CHIC1: variants seen among roughly 807,000 people sequenced by gnomAD.
CHIC1 encodes cysteine rich hydrophobic domain 1, also known as cysteine-rich hydrophobic domain-containing protein 1.
Under a neutral mutation model 18.5 loss-of-function variants are expected in CHIC1, and 7 were observed. The ratio of observed to expected loss-of-function variants is 0.38; its 90% CI spans 0.22 to 0.71. The LOEUF (loss-of-function observed/expected upper bound fraction) is 0.71. Ranked by LOEUF, CHIC1 falls within the 30% of genes least tolerant of loss-of-function variation. The pLI, the probability that CHIC1 is intolerant of heterozygous loss-of-function variation, is 0.49. For missense variants in CHIC1, 159 were observed against 176.9 expected (o/e 0.90, Z 0.57); for synonymous variants, 77 against 73.5 (o/e 1.05, Z -0.25).
At chrX:73,613,422 G>T (rs1252538318) in intron 3 of CHIC1, among the ~76,000 whole-genome samples, 1 of 110,205 alleles carries the variant, frequency 9.1e-6, no homozygotes, top group Non-Finnish European at 1.9e-5. Context: ...AAAGATCCTG[G>T]TACCTCCCTT....
rs1306265236 is a variant in CHIC1, at chrX:73,686,381, G to A, written c.*5376G>A. 1 of 110,940 alleles carries A rather than the reference G, an allele frequency of 9.0e-6. No individual in the cohort carries two copies. The highest frequency in any genetic ancestry group is 1.9e-5 in the Non-Finnish European group (1 of 52,782). The allele number at this position is 110,940 out of a possible 1,213,427, so 9.1% of individuals were successfully genotyped here. A position where few individuals can be genotyped will look rare whatever the true frequency, so the allele number is the denominator to read the frequency against. On this transcript the variant is annotated 3_prime_UTR_variant, in exon 6 of 6. Coordinates refer to ENST00000373502, the MANE Select transcript of CHIC1 (RefSeq NM_001039840.4). The stretch of plus-strand genomic sequence containing the variant: ...AATATCACTGGCCTAATTTATTTAG[G>A]TGTGTACATGTTGCTCATACATACA...
At position 73,590,580 on chromosome X, in the gene CHIC1, G is replaced by A. The variant is rs760232714; in HGVS notation, c.507+6008G>A. Reference sequence around the variant, plus strand: ...CATCATCATAGTATCGTACAGAATAGCAGTTTCACTGCCCTAAAACTCCAT... The same window carrying A: ...CATCATCATAGTATCGTACAGAATAACAGTTTCACTGCCCTAAAACTCCAT... On this transcript the variant is annotated intron_variant, in intron 3 of 5. Transcript: ENST00000373502. Among the ~76,000 whole-genome samples, 6 of 111,550 alleles carry A rather than the reference G, an allele frequency of 5.4e-5. No homozygotes were observed. In the East Asian group the frequency reaches 1.7e-3, roughly 32 times the overall value.
chrX:73,655,164 C>G (rs1267186250), intron 3 of CHIC1, among the ~76,000 whole-genome samples: 3 of 109,643 alleles, frequency 2.7e-5, no homozygotes, highest in Admixed American at 9.9e-5. Context: ...ATTTGGTTTT[C>G]TCTTCCTGCG....
At chrX:73,601,761 T>C (rs1469800487) in intron 3 of CHIC1, among the ~76,000 whole-genome samples, 1 of 106,541 alleles carries the variant, frequency 9.4e-6, no homozygotes, top group Non-Finnish European at 1.9e-5. Flanking sequence ...AAAAAATTAA[T>C]GAATCCAGGA....
chrX:73,577,557 G>A, intron 2 of CHIC1, 96 bp downstream of exon 2: 1 of 679,687 alleles, frequency 1.5e-6, no homozygotes, highest in Non-Finnish European at 2.3e-6. Context: ...TGTTAATGAA[G>A]TCAAGTAATA....
At chrX:73,676,636 AT>A (rs996497601) in intron 3 of CHIC1, among the ~76,000 whole-genome samples, 3 of 109,765 alleles carry the variant, frequency 2.7e-5, no homozygotes, top group Non-Finnish European at 5.7e-5. Flanking sequence ...CATTTTTCTA[AT>A]TTTTTTTCAA....
chrX:73,627,902 C>G (rs2057790939), intron 3 of CHIC1, among the ~76,000 whole-genome samples: 1 of 111,928 alleles, frequency 8.9e-6, no homozygotes, highest in Non-Finnish European at 1.9e-5. Context: ...TGTGCTGAGT[C>G]TCACCTGAAG....
intron 3 of CHIC1, among the ~76,000 whole-genome samples, chrX:73,656,477 A>T (rs909943720): frequency 3.6e-5 from 4 of 111,923 alleles, no homozygotes; most frequent in Non-Finnish European, 7.5e-5. Flanking sequence ...TGATTTTTAT[A>T]TATGGTATAA....
At chrX:73,572,874 G>A (rs779588787) in intron 1 of CHIC1, among the ~76,000 whole-genome samples, 3 of 110,933 alleles carry the variant, frequency 2.7e-5, no homozygotes, top group South Asian at 7.5e-4. Context: ...TACATAGATC[G>A]TGGATATTTT....
chrX:73,584,501 C>A lies in CHIC1; in HGVS notation c.436C>A (p.Leu146Met). 1 of 1,169,890 alleles carries A rather than the reference C, an allele frequency of 8.5e-7. No homozygotes were observed. The highest frequency in any genetic ancestry group is 1.1e-6 in the Non-Finnish European group (1 of 873,445). The change falls in exon 3 of 6, where the codon CTG becomes ATG. Residue 146 changes from leucine to methionine, a missense_variant. Physicochemically the swap from Leu to Met is conservative, Grantham distance 15. Coordinates refer to ENST00000373502, the MANE Select transcript of CHIC1 (RefSeq NM_001039840.4). ...TCTCCCGGTCAATGTGAAATGGCTG[C>A]TGTGTGGTTGTCTCTGCTGCTGTTG... ...KALPVNVKWL[L>M]CGCLCCCCTL...
chrX:73,614,090 G>C (rs2057721637), intron 3 of CHIC1, among the ~76,000 whole-genome samples: 2 of 111,473 alleles, frequency 1.8e-5, no homozygotes. Flanking sequence ...TGCTTATCTG[G>C]AAAAGACTTT....
chrX:73,673,898 C>T (rs2058046655), intron 3 of CHIC1, among the ~76,000 whole-genome samples: 1 of 111,616 alleles, frequency 9.0e-6, no homozygotes, highest in Non-Finnish European at 1.9e-5. Flanking sequence ...TCATAGATAG[C>T]TCTTACTGTT....
In CHIC1 at chrX:73,686,411, C is replaced by G. The variant is rs2058121713; in HGVS notation, c.*5406C>G. ...TACATGTTGCTCATACATACACACA[C>G]ATATAGGATTACAAATGTGGAAAAT... On this transcript the variant is annotated 3_prime_UTR_variant, in exon 6 of 6. Transcript: ENST00000373502. 9.0e-6 allele frequency: 1 copy of G among 111,120 alleles called. No individual in the cohort carries two copies. Among genetic ancestry groups the G allele is most frequent in the Non-Finnish European group, 1.9e-5 (1 of 52,822 alleles). The allele number at this position is 111,120 out of a possible 1,213,427, so 9.2% of individuals were successfully genotyped here.
At chrX:73,645,072 G>A (rs1234638667) in intron 3 of CHIC1, among the ~76,000 whole-genome samples, 1 of 112,226 alleles carries the variant, frequency 8.9e-6, no homozygotes, top group African/African-American at 3.2e-5. Context: ...GCTCACGCTG[G>A]GAGCTGTAGA....
chrX:73,602,473 C>T (rs1454134471), intron 3 of CHIC1, among the ~76,000 whole-genome samples: 2 of 108,495 alleles, frequency 1.8e-5, no homozygotes, highest in South Asian at 7.5e-4. Flanking sequence ...GTTGCCTGTT[C>T]ACTCTGATGA....
At chrX:73,597,441 C>T (rs1381347937) in intron 3 of CHIC1, among the ~76,000 whole-genome samples, 1 of 109,707 alleles carries the variant, frequency 9.1e-6, no homozygotes, top group African/African-American at 3.3e-5. Context: ...TGTCTTTTCA[C>T]TGTCTTAATA....
intron 3 of CHIC1, among the ~76,000 whole-genome samples, chrX:73,670,494 T>A (rs2058024817): frequency 9.0e-6 from 1 of 111,081 alleles, no homozygotes; most frequent in African/African-American, 3.3e-5. Flanking sequence ...TCTGCTTTGA[T>A]CTATATTATT....
intron 1 of CHIC1, among the ~76,000 whole-genome samples, chrX:73,573,363 T>A (rs2057480321): frequency 9.0e-6 from 1 of 111,673 alleles, no homozygotes; most frequent in African/African-American, 3.3e-5. Flanking sequence ...TAGTTTGAAG[T>A]CAGGTAATAT....
chrX:73,585,703 A>AT (rs1035785219), intron 3 of CHIC1, among the ~76,000 whole-genome samples: 9 of 111,138 alleles, frequency 8.1e-5, no homozygotes, highest in African/African-American at 2.3e-4. Context: ...TTAAGAACAG[A>AT]TTTTTTTGTT....
Sources: gnomAD v4.1 joint callset for allele counts (sites outside exome capture counted in the v4.1 genomes callset) on GRCh38, gnomAD v4.1.1 for gene constraint, MANE v1.5 for transcripts, NCBI Gene and HGNC (gene_info 2026-07-23, HGNC 2026-07-21) for gene names.